LHFPL3: variants seen among roughly 807,000 people sequenced by gnomAD.
LHFPL3 encodes the protein LHFPL tetraspan subfamily member 3, also known as LHFPL tetraspan subfamily member 3 protein.
LHFPL3 carries 5 observed loss-of-function variants against 19.3 expected under a neutral mutation model. That is an observed-to-expected ratio of 0.26 (90% CI 0.14 to 0.54). LHFPL3 has a LOEUF of 0.54. LHFPL3 is among the 20% of genes least tolerant of loss of function. The pLI, the probability that LHFPL3 is intolerant of heterozygous loss-of-function variation, is 0.94. For synonymous variants in LHFPL3, 133 were observed against 126.2 expected (o/e 1.05, Z -0.36); for missense variants, 249 against 307.4 (o/e 0.81, Z 1.42).
intron 1 of LHFPL3, among the ~76,000 whole-genome samples, chr7:104,672,440 A>C (rs962740046): frequency 6.6e-6 from 1 of 152,158 alleles, no homozygotes; most frequent in South Asian, 2.1e-4. Context: ...GAATGTATTG[A>C]ATAAATGCTG....
chr7:104,430,419 C>T (rs6963066), intron 1 of LHFPL3, among the ~76,000 whole-genome samples: 268 of 14,494 alleles, frequency 0.018, 3 homozygotes, highest in Middle Eastern at 0.05. Context: ...TATATATATA[C>T]ATATATATAT....
chr7:104,379,695 C>G (rs1790789249), intron 1 of LHFPL3, among the ~76,000 whole-genome samples: 1 of 152,122 alleles, frequency 6.6e-6, no homozygotes, highest in Non-Finnish European at 1.5e-5. Context: ...AGAAAACCAA[C>G]ATGAAGTTTC....
chr7:104,430,556 C>A (rs569746351), intron 1 of LHFPL3, among the ~76,000 whole-genome samples: 1 of 141,144 alleles, frequency 7.1e-6, no homozygotes, highest in Non-Finnish European at 1.5e-5. Context: ...GCAAGCTCCG[C>A]CTGCCAGGTT....
chr7:104,858,548 G>A (rs1453256942), intron 2 of LHFPL3, among the ~76,000 whole-genome samples: 1 of 152,020 alleles, frequency 6.6e-6, no homozygotes, highest in Non-Finnish European at 1.5e-5. Context: ...TCCAGAAGTG[G>A]CTCCAAACCT....
intron 1 of LHFPL3, among the ~76,000 whole-genome samples, chr7:104,391,410 C>T (rs191795327): frequency 2.9e-4 from 44 of 152,264 alleles, no homozygotes; most frequent in African/African-American, 6.7e-4. Context: ...TATGGCTAGC[C>T]GGTTTTCCCA....
At chr7:104,532,003 G>A (rs775282548) in intron 1 of LHFPL3, among the ~76,000 whole-genome samples, 2 of 152,168 alleles carry the variant, frequency 1.3e-5, no homozygotes, top group African/African-American at 4.8e-5. Flanking sequence ...ATTCCTTCTA[G>A]GTTCTGCTAC....
At position 104,833,392 on chromosome 7, in the gene LHFPL3, TATATATATTATATATATATATATA is replaced by T. The variant is rs1336817530; in HGVS notation, c.683-72786_683-72763del. ...TATATATATTATATATATAATAGGATATATATATTATATATATATATATAATATATATATATATATATGCTCCTC... is the reference window on the plus strand; with the variant it reads ...TATATATATTATATATATAATAGGATATATATATATATATATATGCTCCTC... On this transcript the variant is annotated intron_variant, in intron 2 of 2. Coordinates refer to ENST00000424859, the MANE Select transcript of LHFPL3 (RefSeq NM_199000.3). Among the ~76,000 whole-genome samples the T allele has an allele frequency of 3.2e-4, 2 of 6,260 alleles. 1 individual carries two copies. The highest frequency in any genetic ancestry group is 9.3e-4 in the African/African-American group (2 of 2,156). The allele number at this position is 6,260 out of a possible 152,430, so 4.1% of individuals were successfully genotyped here.
intron 1 of LHFPL3, among the ~76,000 whole-genome samples, chr7:104,430,249 G>C (rs1458501224): frequency 6.7e-6 from 1 of 149,552 alleles, no homozygotes; most frequent in Non-Finnish European, 1.5e-5. Context: ...GAAGATACCA[G>C]AGTAGGAAAG....
intron 1 of LHFPL3, among the ~76,000 whole-genome samples, chr7:104,532,071 TC>T (rs1249111130): frequency 3.3e-5 from 5 of 152,258 alleles, no homozygotes; most frequent in African/African-American, 1.2e-4. Context: ...ACTACACACT[TC>T]TTTTCTCTCC....
At chr7:104,436,016 T>A (rs889623223) in intron 1 of LHFPL3, among the ~76,000 whole-genome samples, 2 of 152,106 alleles carry the variant, frequency 1.3e-5, no homozygotes. Flanking sequence ...ATTATAGTAG[T>A]AGTAATAATA....
chr7:104,648,671 G>A (rs777668616), intron 1 of LHFPL3, among the ~76,000 whole-genome samples: 1 of 152,054 alleles, frequency 6.6e-6, no homozygotes, highest in Non-Finnish European at 1.5e-5. Flanking sequence ...TGTGTACAGC[G>A]CTTACTTTAC....
At chr7:104,586,062 G>GA (rs999514547) in intron 1 of LHFPL3, among the ~76,000 whole-genome samples, 2 of 151,980 alleles carry the variant, frequency 1.3e-5, no homozygotes, top group African/African-American at 4.8e-5. Flanking sequence ...AGAATTACGT[G>GA]AAAAATGAAT....
intron 2 of LHFPL3, among the ~76,000 whole-genome samples, chr7:104,864,011 C>T (rs542244076): frequency 6.6e-6 from 1 of 152,304 alleles, no homozygotes; most frequent in South Asian, 2.1e-4. Context: ...ACTGAGTTAA[C>T]AAACTTAACA....
intron 1 of LHFPL3, among the ~76,000 whole-genome samples, chr7:104,654,339 A>C (rs543330712): frequency 2.0e-5 from 3 of 152,336 alleles, no homozygotes; most frequent in South Asian, 2.1e-4. Context: ...ATATTCAGAC[A>C]TATTTCCGTG....
rs76608334 is a variant in LHFPL3, at chr7:104,341,802, G to C, written c.445+12578G>C. Among the ~76,000 whole-genome samples the C allele has an allele frequency of 7.9e-3, 1,209 of 152,218 alleles. 80 individuals carry two copies. In the East Asian group the frequency reaches 0.17, roughly 22 times the overall value. ...ACTTCTGAGAACTTTGCCTTTTACA[G>C]GGTCAGGTCCAGACTCATTTTCTCC... On this transcript the variant is annotated intron_variant, in intron 1 of 2. Transcript: ENST00000424859.
Position 104,413,724 on chromosome 7 carries a change from A to G in LHFPL3, c.445+84500A>G, listed in dbSNP as rs138317097. On this transcript the variant is annotated intron_variant, in intron 1 of 2. Coordinates refer to ENST00000424859, the MANE Select transcript of LHFPL3 (RefSeq NM_199000.3). ...AAGCCTTTCTAGGCTGGTCCGAACC[A>G]TCATGCATTCTTCTACAGATGTGAG... Among the ~76,000 whole-genome samples, 337 of 152,314 alleles carry G rather than the reference A, an allele frequency of 2.2e-3. 1 individual carries two copies. Among genetic ancestry groups the G allele is most frequent in the African/African-American group, 7.7e-3 (318 of 41,564 alleles).
intron 2 of LHFPL3, among the ~76,000 whole-genome samples, chr7:104,889,937 A>G (rs1366042400): frequency 1.3e-5 from 2 of 152,228 alleles, no homozygotes; most frequent in African/African-American, 4.8e-5. Context: ...TTTTTTAATT[A>G]AAGAGCAGTC....
intron 2 of LHFPL3, among the ~76,000 whole-genome samples, chr7:104,882,668 TG>T (rs1792079146): frequency 6.6e-6 from 1 of 152,144 alleles, no homozygotes; most frequent in Non-Finnish European, 1.5e-5. Flanking sequence ...ACAGTAGGTA[TG>T]GGGTTTTCAT....
intron 1 of LHFPL3, among the ~76,000 whole-genome samples, chr7:104,478,923 TG>T (rs1483622042): frequency 3.9e-5 from 6 of 152,192 alleles, no homozygotes. Context: ...GACAAGAATC[TG>T]GCTAAAATAG....
Sources: allele counts gnomAD v4.1 joint callset (sites outside exome capture counted in the v4.1 genomes callset), GRCh38; gene constraint gnomAD v4.1.1; transcripts MANE v1.5; gene names NCBI Gene and HGNC (gene_info 2026-07-23, HGNC 2026-07-21).